The following PCDHA10 variants were observed in gnomAD, a reference collection of about 807,000 sequenced individuals.
PCDHA10 encodes the protein protocadherin alpha-10.
In PCDHA10, 45 loss-of-function variants were observed where a neutral mutation model predicts 61.2. The observed-to-expected ratio is 0.74, with a 90% CI of 0.58 to 0.94. PCDHA10 has a LOEUF of 0.94. Among genes scored for constraint, PCDHA10 ranks in the 40% least tolerant of loss-of-function variants. The pLI is 0.00. For synonymous variants in PCDHA10, 602 were observed against 548.8 expected, an observed-to-expected ratio of 1.10 and a Z score of -1.35; for missense variants, 1,278 against 1,236.2, an observed-to-expected ratio of 1.03 and a Z score of -0.51.
At chr5:140,971,692 C>G (rs2096492766) in intron 1 of PCDHA10, among the ~76,000 whole-genome samples, 1 of 152,116 alleles carries the variant, frequency 6.6e-6, no homozygotes, top group South Asian at 2.1e-4. Context: ...TTTGTACTCA[C>G]TAACCACCCT....
In PCDHA10 at chr5:140,966,814, C is replaced by G. The variant is rs782787958; in HGVS notation, c.2389-12135C>G. 4.5e-6 allele frequency: 7 copies of G among 1,552,328 alleles called. No individual in the cohort carries two copies. The East Asian group carries it at 1.2e-4, about 27-fold the overall frequency. On this transcript the variant is annotated intron_variant, in intron 1 of 3. Coordinates refer to ENST00000307360, the MANE Select transcript of PCDHA10 (RefSeq NM_018901.4). The stretch of plus-strand genomic sequence containing the variant: ...CTGCGGCGACAGAGCATCCACGGCT[C>G]CGGCGGCCCATGCCCTGGCTGCTGC...
chr5:140,976,743 C>A (rs782329745), intron 1 of PCDHA10, among the ~76,000 whole-genome samples: 16 of 152,116 alleles, frequency 1.1e-4, no homozygotes, highest in Non-Finnish European at 1.5e-4. Context: ...ATTTTAAAAA[C>A]CTCCCAGATG....
chr5:140,856,215 C>A lies in PCDHA10; in HGVS notation c.167C>A (p.Ala56Glu), dbSNP rs781995878. ...GCGCAGGACCTGGGGCTGGAGCTGGCGGAGCTGGTGCAGCGCCTGTTCCGG... is the reference window on the plus strand; with the variant it reads ...GCGCAGGACCTGGGGCTGGAGCTGGAGGAGCTGGTGCAGCGCCTGTTCCGG... ...RIAQDLGLEL[A>E]ELVQRLFRVA... is the part of the protein sequence containing the mutation. The change falls in exon 1 of 4, where the codon GCG (alanine) becomes GAG (glutamate). Residue 56 changes from alanine (A) to glutamate (E), a missense_variant. Coordinates refer to ENST00000307360, the MANE Select transcript of PCDHA10 (RefSeq NM_018901.4). 3 of 1,597,902 alleles carry A rather than the reference C, an allele frequency of 1.9e-6. No individual in the cohort carries two copies. Among genetic ancestry groups the A allele is most frequent in the African/African-American group, 1.3e-5 (1 of 74,266 alleles).
At chr5:140,998,112 T>A (rs1554256165) in intron 3 of PCDHA10, among the ~76,000 whole-genome samples, 2 of 152,152 alleles carry the variant, frequency 1.3e-5, no homozygotes, top group Non-Finnish European at 2.9e-5. Context: ...AGGAGAAAAT[T>A]TACTTGTGAA....
At chr5:141,000,538 A>C (rs31871) in intron 3 of PCDHA10, among the ~76,000 whole-genome samples, 70,673 of 145,962 alleles carry the variant, frequency 0.48, 18,171 homozygotes, top group African/African-American at 0.68. Flanking sequence ...AGTGATTCTC[A>C]TGCCTCAAAC....
rs371795952 is a variant in PCDHA10 at position 140,857,797 on chromosome 5, G to T, written c.1749G>T (p.Ser583=). ...GGAVSELVLR[S]VVAGHVVAKV... ...CAGTCAGTGAGCTGGTGCTGCGGTC[G>T]GTGGTTGCGGGTCACGTGGTGGCTA... The change falls in exon 1 of 4, where the codon TCG becomes TCT. Residue 583 remains serine, a synonymous_variant. Transcript: ENST00000307360. 12 of 1,597,706 alleles carry T rather than the reference G, an allele frequency of 7.5e-6. 1 individual carries two copies. In the East Asian group the frequency reaches 1.6e-4, roughly 21 times the overall value.
At chr5:140,907,872 G>A (rs1473403839) in intron 1 of PCDHA10, among the ~76,000 whole-genome samples, 1 of 152,208 alleles carries the variant, frequency 6.6e-6, no homozygotes, top group Non-Finnish European at 1.5e-5. Flanking sequence ...CCGTTGGTGA[G>A]CACTCACATG....
chr5:140,922,162 A>G (rs2080680842), intron 1 of PCDHA10, among the ~76,000 whole-genome samples: 1 of 146,764 alleles, frequency 6.8e-6, no homozygotes, highest in African/African-American at 2.5e-5. Flanking sequence ...AAAAACAACA[A>G]AAAGTACAGC....
intron 1 of PCDHA10, among the ~76,000 whole-genome samples, chr5:140,920,841 T>TAAAA (rs781921146): frequency 7.3e-5 from 8 of 109,222 alleles, no homozygotes; most frequent in African/African-American, 1.0e-4. Flanking sequence ...AGACCAAATC[T>TAAAA]AAAAAAAAAA....
chr5:141,006,869 C>T (rs190273260), intron 3 of PCDHA10, among the ~76,000 whole-genome samples: 50 of 152,182 alleles, frequency 3.3e-4, no homozygotes, highest in African/African-American at 1.0e-3. Flanking sequence ...GGAATAGATT[C>T]GAGGAATCAA....
At chr5:140,869,721 G>A (rs1554163371) in intron 1 of PCDHA10, 2 of 1,613,340 alleles carry the variant, frequency 1.2e-6, no homozygotes, top group Non-Finnish European at 1.7e-6. Flanking sequence ...AGAAAACTCC[G>A]GAACTTAATT....
In PCDHA10 at chr5:140,869,649, A is replaced by G. The variant is rs1446407712; in HGVS notation, c.2388+11213A>G. ...AAAATGAGTATTTTTCTTTAGATTC[A>G]CCAACAAATGGTAAGCAGATTAAAA... On this transcript the variant is annotated intron_variant, in intron 1 of 3. Transcript: ENST00000307360. 4.3e-6 allele frequency: 7 copies of G among 1,613,476 alleles called. No individual in the cohort carries two copies. In the African/African-American group the frequency reaches 6.7e-5, roughly 15 times the overall value.
rs1581379026 is a variant in PCDHA10, at chr5:140,855,934, G to A, written c.-115G>A. ...AAGGACTAGGAAGTAGCGTCATTCT[G>A]AGATCTCAGCCATTTCGATAAAAAA... On this transcript the variant is annotated 5_prime_UTR_variant, in exon 1 of 4. Coordinates refer to ENST00000307360, the MANE Select transcript of PCDHA10 (RefSeq NM_018901.4). The A allele has an allele frequency of 1.5e-6, 2 of 1,294,846 alleles. No individual in the cohort carries two copies. Among genetic ancestry groups the A allele is most frequent in the South Asian group, 1.5e-5 (1 of 67,500 alleles). 80.2% of individuals were successfully genotyped at this position (1,294,846 alleles called of 1,614,324 possible). A position where few individuals can be genotyped will look rare whatever the true frequency, so the allele number is the denominator to read the frequency against.
Position 140,884,686 on chromosome 5 carries a change from G to C in PCDHA10, c.2388+26250G>C, listed in dbSNP as rs376199469. 72 of 1,538,980 alleles carry C rather than the reference G, an allele frequency of 4.7e-5. No homozygotes were observed. The African/African-American group carries it at 8.7e-4, about 19-fold the overall frequency. ...AGGTAAGCTTATATTTTAAAAAATT[G>C]TCTTAGTAAACACTTTAGCCTTCCT... On this transcript the variant is annotated intron_variant, in intron 1 of 3. Transcript: ENST00000307360.
intron 1 of PCDHA10, among the ~76,000 whole-genome samples, chr5:140,921,954 C>A (rs970694644): frequency 2.0e-5 from 3 of 151,586 alleles, no homozygotes; most frequent in African/African-American, 7.3e-5. Context: ...TGTAAAATCC[C>A]AGAAAACCAA....
At chr5:140,889,705 CA>C (rs1440108575) in intron 1 of PCDHA10, among the ~76,000 whole-genome samples, 2 of 152,132 alleles carry the variant, frequency 1.3e-5, no homozygotes, top group Non-Finnish European at 1.5e-5. Flanking sequence ...GCATATTCCA[CA>C]AGTTCTTTGC....
intron 1 of PCDHA10, chr5:140,882,514 C>T: frequency 2.5e-6 from 4 of 1,614,150 alleles, no homozygotes; most frequent in Non-Finnish European, 3.4e-6. Context: ...TGCAGAATGG[C>T]ATTTTGTTTG....
At chr5:140,969,464 C>T in intron 1 of PCDHA10, 2 of 1,491,562 alleles carry the variant, frequency 1.3e-6, no homozygotes, top group South Asian at 2.7e-5. Context: ...ATATAGTATC[C>T]ACAATTTGAT....
chr5:141,007,812 G>C (rs1446053616), intron 3 of PCDHA10, among the ~76,000 whole-genome samples: 2 of 152,078 alleles, frequency 1.3e-5, no homozygotes, highest in Non-Finnish European at 2.9e-5. Context: ...CCATTCATTT[G>C]CCTTCCCCCA....
Sources: allele counts gnomAD v4.1 joint callset (sites outside exome capture counted in the v4.1 genomes callset), GRCh38; gene constraint gnomAD v4.1.1; transcripts MANE v1.5; gene names NCBI Gene and HGNC (gene_info 2026-07-23, HGNC 2026-07-21).